Variants in SPRING1 observed in about 807,000 individuals in gnomAD.
SPRING1 encodes the protein SREBP regulating gene protein.
A neutral mutation model predicts 24.7 loss-of-function variants in SPRING1; 14 were observed. The observed-to-expected ratio is 0.57, with a 90% CI of 0.37 to 0.88. The LOEUF is 0.88. Among genes scored for constraint, SPRING1 ranks in the 40% least tolerant of loss-of-function variants. SPRING1 has a pLI of 0.00. For synonymous variants in SPRING1, 93 were observed against 106.1 expected (o/e 0.88, Z 0.76); for missense variants, 255 against 268.4 (o/e 0.95, Z 0.35).
rs767580551 is a variant in SPRING1 at position 116,716,066 on chromosome 12, T to C, written c.*1744A>G. 4.6e-5 allele frequency: 7 copies of C among 152,066 alleles called. No homozygotes were observed. Among genetic ancestry groups the C allele is most frequent in the Admixed American group, 6.6e-5 (1 of 15,264 alleles). 9.4% of individuals were successfully genotyped at this position (152,066 alleles called of 1,614,324 possible). A position where few individuals can be genotyped will look rare whatever the true frequency, so the allele number is the denominator to read the frequency against. ...TTCCAAACTGAGTTACCAAAAACAATAGATGGATGAGACATGCAGACATGC... is the reference window on the plus strand; with the variant it reads ...TTCCAAACTGAGTTACCAAAAACAACAGATGGATGAGACATGCAGACATGC... On this transcript the variant is annotated 3_prime_UTR_variant, in exon 5 of 5. Transcript: ENST00000261318.
At position 116,720,269 on chromosome 12, in the gene SPRING1, C is replaced by T. The variant is rs751376631; in HGVS notation, c.420+27G>A. On this transcript the variant is annotated intron_variant, in intron 3 of 4. Transcript: ENST00000261318. The surrounding 1 kb of genome is among the most constrained non-coding windows in gnomAD (Gnocchi z 4.0). ...ACAGAGGCCGAAAGAAAAAAGGAGC[C>T]GCAGAACCAGGATCAACTCCCCATA... 11 of 1,571,140 alleles carry T rather than the reference C, an allele frequency of 7.0e-6. No individual in the cohort carries two copies. Among genetic ancestry groups the T allele is most frequent in the South Asian group, 3.5e-5 (3 of 84,580 alleles).
chr12:116,718,389 C>A (rs947437097), intron 4 of SPRING1, among the ~76,000 whole-genome samples: 2 of 152,216 alleles, frequency 1.3e-5, no homozygotes, highest in African/African-American at 4.8e-5. Flanking sequence ...CCTCATTTGG[C>A]TAAGCAAATT....
intron 2 of SPRING1, among the ~76,000 whole-genome samples, chr12:116,721,285 A>G (rs1397849709): frequency 6.6e-6 from 1 of 152,224 alleles, no homozygotes; most frequent in East Asian, 1.9e-4. Context: ...ACTGGCCCCG[A>G]GGAAAGTCCC....
rs957485279 is a variant in SPRING1, at chr12:116,710,390, C to T, written c.*7420G>A. ...AATCACAAAAGCAGAGAAAGGAAAACCTTTTACTGAGCTGAGCAATGCCTG... is the reference window on the plus strand; with the variant it reads ...AATCACAAAAGCAGAGAAAGGAAAATCTTTTACTGAGCTGAGCAATGCCTG... On this transcript the variant is annotated 3_prime_UTR_variant, in exon 5 of 5. Coordinates refer to ENST00000261318, the MANE Select transcript of SPRING1 (RefSeq NM_024738.4). 1 of 152,148 alleles carries T rather than the reference C, an allele frequency of 6.6e-6. No homozygotes were observed. Among genetic ancestry groups the T allele is most frequent in the Non-Finnish European group, 1.5e-5 (1 of 68,030 alleles). 9.4% of individuals were successfully genotyped at this position (152,148 alleles called of 1,614,324 possible). A position where few individuals can be genotyped will look rare whatever the true frequency, so the allele number is the denominator to read the frequency against.
chr12:116,725,225 T>C (rs1423022084), intron 1 of SPRING1, among the ~76,000 whole-genome samples: 1 of 152,214 alleles, frequency 6.6e-6, no homozygotes, highest in Non-Finnish European at 1.5e-5. Flanking sequence ...AATTGAGCAC[T>C]GTTCTAAGTA....
chr12:116,737,444 G>C (rs1320467663), intron 1 of SPRING1, among the ~76,000 whole-genome samples: 2 of 150,554 alleles, frequency 1.3e-5, no homozygotes, highest in East Asian at 3.9e-4. Flanking sequence ...AGGAAGGGAA[G>C]GAAGAAAGAC....
At chr12:116,722,468 C>CTA (rs1870480509) in intron 2 of SPRING1, among the ~76,000 whole-genome samples, 1 of 152,226 alleles carries the variant, frequency 6.6e-6, no homozygotes. Context: ...TGTCTGCCCA[C>CTA]TGACTATGTC....
intron 1 of SPRING1, among the ~76,000 whole-genome samples, chr12:116,733,427 C>T (rs994509667): frequency 6.8e-6 from 1 of 146,846 alleles, no homozygotes; most frequent in Non-Finnish European, 1.5e-5. Context: ...CATGATCTGC[C>T]CACCTCGGCC....
At chr12:116,730,742 C>T (rs1870936541) in intron 1 of SPRING1, among the ~76,000 whole-genome samples, 1 of 151,836 alleles carries the variant, frequency 6.6e-6, no homozygotes, top group Non-Finnish European at 1.5e-5. Flanking sequence ...TAAAAAAAAT[C>T]ACACTTGTTA....
At chr12:116,721,235 T>C (rs1870419802) in intron 2 of SPRING1, among the ~76,000 whole-genome samples, 1 of 152,178 alleles carries the variant, frequency 6.6e-6, no homozygotes, top group African/African-American at 2.4e-5. Context: ...CTTCTGGGAA[T>C]GGGACAGAAA....
chr12:116,737,820 G>A lies in SPRING1; in HGVS notation c.81C>T (p.Leu27=), dbSNP rs777757647. ...TGAAGGTGCTGCTGAGGAAGTAGAC[G>A]AGCGACAGCCCGAAGACCAGGGCGA... ...WVLALVFGLS[L]VYFLSSTFKQ... is the part of the protein sequence containing the mutation. The change falls in exon 1 of 5, where the codon CTC becomes CTT. Residue 27 remains leucine (L), a synonymous_variant. Transcript: ENST00000261318. 29 of 1,595,102 alleles carry A rather than the reference G, an allele frequency of 1.8e-5. No homozygotes were observed. In the Middle Eastern group the frequency reaches 5.3e-4, roughly 29 times the overall value.
At position 116,712,735 on chromosome 12, in the gene SPRING1, G is replaced by A. The variant is rs980710276; in HGVS notation, c.*5075C>T. 12 of 152,226 alleles carry A rather than the reference G, an allele frequency of 7.9e-5. No individual in the cohort carries two copies. Among genetic ancestry groups the A allele is most frequent in the Non-Finnish European group, 1.5e-4 (10 of 68,056 alleles). 9.4% of individuals were successfully genotyped at this position (152,226 alleles called of 1,614,324 possible). The stretch of plus-strand genomic sequence containing the variant: ...TGGTGAGGTGCTGGGGAGTCAATCC[G>A]TCGTAGAGGGGAAGCGTTCTACCCC... On this transcript the variant is annotated 3_prime_UTR_variant, in exon 5 of 5. Transcript: ENST00000261318.
chr12:116,723,225 T>C lies in SPRING1; in HGVS notation c.112-2A>G. 1 of 1,614,110 alleles carries C rather than the reference T, an allele frequency of 6.2e-7. No individual in the cohort carries two copies. Among genetic ancestry groups the C allele is most frequent in the Non-Finnish European group, 8.5e-7 (1 of 1,179,994 alleles). On this transcript the variant is annotated splice_acceptor_variant, in intron 1 of 4. Coordinates refer to ENST00000261318, the MANE Select transcript of SPRING1 (RefSeq NM_024738.4). LOFTEE classifies it high-confidence loss of function. Reference sequence around the variant, plus strand: ...CCTATCTCTCACTGCCCTCTCCTCCTGCAAAGAAACCATAAGTGAGAAGGT... The same window carrying C: ...CCTATCTCTCACTGCCCTCTCCTCCCGCAAAGAAACCATAAGTGAGAAGGT...
Position 116,714,365 on chromosome 12 carries a change from G to A in SPRING1, c.*3445C>T, listed in dbSNP as rs1352420094. 1.3e-5 allele frequency: 2 copies of A among 152,212 alleles called. No homozygotes were observed. Among genetic ancestry groups the A allele is most frequent in the African/African-American group, 2.4e-5 (1 of 41,448 alleles). The allele number at this position is 152,212 out of a possible 1,614,324, so 9.4% of individuals were successfully genotyped here. A position where few individuals can be genotyped will look rare whatever the true frequency, so the allele number is the denominator to read the frequency against. On this transcript the variant is annotated 3_prime_UTR_variant, in exon 5 of 5. Coordinates refer to ENST00000261318, the MANE Select transcript of SPRING1 (RefSeq NM_024738.4). ...TGCAAATTGTGCAACTGTTCCCCAC[G>A]ATTCCCTTGGGGCCAGTGCCGACTG...
At chr12:116,719,641 G>T in intron 4 of SPRING1, 122 bp downstream of exon 4, 1 of 733,526 alleles carries the variant, frequency 1.4e-6, no homozygotes, top group Non-Finnish European at 2.3e-6. Context: ...AACAAAGCGT[G>T]ACACGGCTTC....
Position 116,726,181 on chromosome 12 carries a change from C to A in SPRING1, c.112-2958G>T, listed in dbSNP as rs1444796889. Among the ~76,000 whole-genome samples the A allele has an allele frequency of 3.3e-5, 5 of 152,192 alleles. No homozygotes were observed. The South Asian group carries it at 1.0e-3, about 32-fold the overall frequency. ...ATAATCCATCATGTTGATGTGCCAT[C>A]ATTTAGTAAACACATCCTCTATAGA... On this transcript the variant is annotated intron_variant, in intron 1 of 4. Transcript: ENST00000261318.
chr12:116,714,782 A>G lies in SPRING1; in HGVS notation c.*3028T>C, dbSNP rs575156132. On this transcript the variant is annotated 3_prime_UTR_variant, in exon 5 of 5. Coordinates refer to ENST00000261318, the MANE Select transcript of SPRING1 (RefSeq NM_024738.4). ...TGCACTCCAGCCTGAGCAACAGAGCAAGACTCCATCGCAAAAAAAAAAAAA... is the reference window on the plus strand; with the variant it reads ...TGCACTCCAGCCTGAGCAACAGAGCGAGACTCCATCGCAAAAAAAAAAAAA... 7.1e-6 allele frequency: 1 copy of G among 140,756 alleles called. No individual in the cohort carries two copies. The highest frequency in any genetic ancestry group is 2.5e-4 in the South Asian group (1 of 4,048). The allele number at this position is 140,756 out of a possible 1,614,324, so 8.7% of individuals were successfully genotyped here. A position where few individuals can be genotyped will look rare whatever the true frequency, so the allele number is the denominator to read the frequency against.
chr12:116,723,901 A>T (rs1870559715), intron 1 of SPRING1, among the ~76,000 whole-genome samples: 1 of 152,130 alleles, frequency 6.6e-6, no homozygotes, highest in Non-Finnish European at 1.5e-5. Flanking sequence ...GTTGAAGATC[A>T]TCTCTTCTGG....
chr12:116,717,161 A>G lies in SPRING1; in HGVS notation c.*649T>C, dbSNP rs1162191923. On this transcript the variant is annotated 3_prime_UTR_variant, in exon 5 of 5. Transcript: ENST00000261318. This position sits in a 1 kb window ranked among gnomAD's most constrained non-coding sequence, Gnocchi z 4.2. ...AGTGTCTGAGTTTTTAGATAATTTTACACGTCAGGATATGGCTAACAGGTC... is the reference window on the plus strand; with the variant it reads ...AGTGTCTGAGTTTTTAGATAATTTTGCACGTCAGGATATGGCTAACAGGTC... 6.6e-6 allele frequency: 1 copy of G among 152,148 alleles called. No homozygotes were observed. The highest frequency in any genetic ancestry group is 6.5e-5 in the Admixed American group (1 of 15,278). 9.4% of individuals were successfully genotyped at this position (152,148 alleles called of 1,614,324 possible).
Sources: allele counts gnomAD v4.1 joint callset (sites outside exome capture counted in the v4.1 genomes callset), GRCh38; gene constraint gnomAD v4.1.1; non-coding constraint Gnocchi (gnomAD v3.1); transcripts MANE v1.5; gene names NCBI Gene and HGNC (gene_info 2026-07-23, HGNC 2026-07-21).